The following NEBL variants were observed in gnomAD, a reference collection of about 807,000 sequenced individuals.
NEBL encodes nebulette.
A neutral mutation model predicts 140.2 loss-of-function variants in NEBL; 122 were observed. The ratio of observed to expected loss-of-function variants is 0.87; its 90% CI spans 0.75 to 1.01. The LOEUF (loss-of-function observed/expected upper bound fraction) is 1.01, where lower values mean the gene tolerates loss of function less well. Among genes scored for constraint, NEBL ranks in the 50% least tolerant of loss-of-function variants. The pLI is 0.00. For missense variants in NEBL, 1,365 were observed against 1,231.3 expected (o/e 1.11, Z -1.62); for synonymous variants, 436 against 398.9 (o/e 1.09, Z -1.11).
At chr10:21,071,569 TA>T (rs1456859510) in intron 2 of NEBL, among the ~76,000 whole-genome samples, 2 of 152,156 alleles carry the variant, frequency 1.3e-5, no homozygotes, top group Non-Finnish European at 2.9e-5. Context: ...TTAAAAATAT[TA>T]ATCCCTTAAC....
At chr10:20,786,681 T>C (rs539900885) in intron 27 of NEBL, among the ~76,000 whole-genome samples, 3 of 152,174 alleles carry the variant, frequency 2.0e-5, no homozygotes, top group Non-Finnish European at 4.4e-5. Flanking sequence ...AGAGACTATG[T>C]TGAGGGCTTG....
chr10:20,875,704 C>G (rs1056335196), intron 5 of NEBL, among the ~76,000 whole-genome samples: 3 of 151,846 alleles, frequency 2.0e-5, no homozygotes, highest in Non-Finnish European at 4.4e-5. Context: ...GGAATGGCAG[C>G]CTTGCAGGAG....
intron 13 of NEBL, 28 bp downstream of exon 13, chr10:20,840,711 A>G: frequency 7.1e-7 from 1 of 1,410,054 alleles, no homozygotes; most frequent in Non-Finnish European, 1.0e-6. Flanking sequence ...AAACATATTC[A>G]TCTAAGGTGT....
At chr10:20,907,746 A>G (rs1284949310) in intron 4 of NEBL, among the ~76,000 whole-genome samples, 1 of 152,186 alleles carries the variant, frequency 6.6e-6, no homozygotes, top group Non-Finnish European at 1.5e-5. Context: ...GTTCAACAGA[A>G]AAGACCTTCA....
intron 1 of NEBL, among the ~76,000 whole-genome samples, chr10:21,265,335 C>T (rs529173421): frequency 6.6e-6 from 1 of 152,268 alleles, no homozygotes; most frequent in Non-Finnish European, 1.5e-5. Context: ...CACAGGAATC[C>T]TGGGGCAGTG....
intron 4 of NEBL, among the ~76,000 whole-genome samples, chr10:20,934,512 C>T (rs1011069833): frequency 1.1e-4 from 16 of 152,126 alleles, no homozygotes; most frequent in Admixed American, 4.6e-4. Flanking sequence ...ATGGACGTGA[C>T]GTGCATGACT....
intron 3 of NEBL, among the ~76,000 whole-genome samples, chr10:21,008,651 A>C (rs1301890932): frequency 6.6e-6 from 1 of 152,204 alleles, no homozygotes; most frequent in Admixed American, 6.5e-5. Flanking sequence ...AAAAAATAAT[A>C]GATGTTGGCG....
chr10:21,277,220 T>G (rs1842936903), intron 1 of NEBL, among the ~76,000 whole-genome samples: 1 of 150,822 alleles, frequency 6.6e-6, no homozygotes, highest in Non-Finnish European at 1.5e-5. Flanking sequence ...TTTTTTTTTT[T>G]TTTTTTGAGA....
At chr10:21,147,204 C>A (rs779470128) in intron 2 of NEBL, among the ~76,000 whole-genome samples, 13 of 152,164 alleles carry the variant, frequency 8.5e-5, no homozygotes, top group Non-Finnish European at 1.6e-4. Context: ...CAACCCCACA[C>A]ACACTCCCCT....
intron 22 of NEBL, 30 bp from the exon 23 acceptor site, chr10:20,814,073 T>C (rs2130794979): frequency 7.5e-7 from 1 of 1,340,956 alleles, no homozygotes; most frequent in Non-Finnish European, 1.1e-6. Context: ...CATAAGACAA[T>C]GATAAGAAAA....
At chr10:21,268,357 C>T (rs892768776) in intron 1 of NEBL, among the ~76,000 whole-genome samples, 2 of 152,094 alleles carry the variant, frequency 1.3e-5, no homozygotes, top group Non-Finnish European at 2.9e-5. Flanking sequence ...GTGGTATGCA[C>T]CTGTAGTCCC....
In NEBL at chr10:20,999,550, G is replaced by A. The variant is rs182694318; in HGVS notation, c.249+20567C>T. Among the ~76,000 whole-genome samples, 29 of 152,286 alleles carry A rather than the reference G, an allele frequency of 1.9e-4. 1 individual carries two copies. Among genetic ancestry groups the A allele is most frequent in the South Asian group, 6.2e-4 (3 of 4,812 alleles). On this transcript the variant is annotated intron_variant, in intron 3 of 6. Transcript: ENST00000417816. ...GGAGGTTGAGGCTGCAGTGAGCTGT[G>A]ATTGCATCAATGCACTCCAGCATGG...
intron 1 of NEBL, among the ~76,000 whole-genome samples, chr10:21,264,454 G>C (rs964340072): frequency 6.6e-6 from 1 of 152,100 alleles, no homozygotes. Context: ...GACAGAGCAA[G>C]TTGCCACCCT....
At chr10:20,946,111 T>C (rs1011766815) in intron 4 of NEBL, among the ~76,000 whole-genome samples, 1 of 152,176 alleles carries the variant, frequency 6.6e-6, no homozygotes, top group Non-Finnish European at 1.5e-5. Flanking sequence ...CGAACAGGGA[T>C]GCACAGATGA....
intron 2 of NEBL, among the ~76,000 whole-genome samples, chr10:21,063,750 G>T (rs1180452454): frequency 2.0e-5 from 3 of 152,066 alleles, no homozygotes; most frequent in Admixed American, 1.3e-4. Context: ...TCAAAATGTG[G>T]CCCCAGCTAC....
chr10:21,145,698 A>T (rs914854230), intron 2 of NEBL, among the ~76,000 whole-genome samples: 1 of 152,232 alleles, frequency 6.6e-6, no homozygotes, highest in Non-Finnish European at 1.5e-5. Flanking sequence ...AACATAAAGT[A>T]TGGAACCAAA....
rs187553572 is a variant in NEBL, at chr10:21,084,979, A to G, written c.165-64778T>C. Among the ~76,000 whole-genome samples, 177 of 152,278 alleles carry G rather than the reference A, an allele frequency of 1.2e-3. 1 individual carries two copies. The highest frequency in any genetic ancestry group is 4.0e-3 in the African/African-American group (167 of 41,556). ...AAAAGAGACCAGTGGGTTAGTGCGG[A>G]AAAATGTGAAAGGGTTATGCCAATC... On this transcript the variant is annotated intron_variant, in intron 2 of 6. Transcript: ENST00000417816.
intron 4 of NEBL, among the ~76,000 whole-genome samples, chr10:20,912,277 T>C (rs1476222335): frequency 6.6e-6 from 1 of 152,220 alleles, no homozygotes; most frequent in Non-Finnish European, 1.5e-5. Context: ...GTCAATGGCA[T>C]TGCTATGTTT....
chr10:21,049,949 G>A (rs1478795857), intron 2 of NEBL, among the ~76,000 whole-genome samples: 1 of 152,176 alleles, frequency 6.6e-6, no homozygotes, highest in African/African-American at 2.4e-5. Context: ...TTGATGAGGA[G>A]TAAGAGCTTT....
Sources: gnomAD v4.1 joint callset for allele counts (sites outside exome capture counted in the v4.1 genomes callset) on GRCh38, gnomAD v4.1.1 for gene constraint, MANE v1.5 for transcripts, NCBI Gene and HGNC (gene_info 2026-07-23, HGNC 2026-07-21) for gene names.